CREBL2: variants seen among roughly 807,000 people sequenced by gnomAD.
The protein encoded by CREBL2 is cAMP responsive element binding protein like 2.
Under a neutral mutation model 19.5 loss-of-function variants are expected in CREBL2, and 4 were observed. That is an observed-to-expected ratio of 0.20 (90% CI 0.10 to 0.47). CREBL2 has a LOEUF of 0.47. Among genes scored for constraint, CREBL2 ranks in the 20% least tolerant of loss-of-function variants. CREBL2 has a pLI of 0.98. For missense variants in CREBL2, 85 were observed against 145.1 expected, an observed-to-expected ratio of 0.59 and a Z score of 2.13; for synonymous variants, 42 against 46.6, an observed-to-expected ratio of 0.90 and a Z score of 0.40.
chr12:12,628,027 G>A (rs549010053), intron 1 of CREBL2, among the ~76,000 whole-genome samples: 4 of 152,094 alleles, frequency 2.6e-5, no homozygotes, highest in South Asian at 2.1e-4. Context: ...CTACAGGCGC[G>A]CGCCACCATG....
intron 1 of CREBL2, among the ~76,000 whole-genome samples, chr12:12,623,301 T>C (rs2052422): frequency 0.87 from 131,991 of 151,892 alleles, 58,609 homozygotes; most frequent in Non-Finnish European, 0.96. Flanking sequence ...CTTCTGTGCT[T>C]GAGGAGCTCA....
intron 1 of CREBL2, among the ~76,000 whole-genome samples, chr12:12,612,913 C>T (rs553652014): frequency 2.2e-4 from 34 of 152,270 alleles, no homozygotes; most frequent in African/African-American, 7.9e-4. Flanking sequence ...CTCTTGTCGC[C>T]CAGGCTGGAG....
At chr12:12,626,813 A>G (rs1156445560) in intron 1 of CREBL2, among the ~76,000 whole-genome samples, 13 of 151,446 alleles carry the variant, frequency 8.6e-5, no homozygotes, top group Non-Finnish European at 1.9e-4. Context: ...AGGCAGGAGG[A>G]TAGCTTGAGC....
chr12:12,622,623 C>T (rs1309649446), intron 1 of CREBL2, among the ~76,000 whole-genome samples: 2 of 152,204 alleles, frequency 1.3e-5, no homozygotes, highest in Non-Finnish European at 2.9e-5. Context: ...ACTAGAAAAA[C>T]TGGCAGAAAG....
intron 3 of CREBL2, among the ~76,000 whole-genome samples, chr12:12,639,288 C>T (rs1945500067): frequency 6.6e-6 from 1 of 152,024 alleles, no homozygotes; most frequent in African/African-American, 2.4e-5. Flanking sequence ...TGTTTTCATA[C>T]CTGTTTTGAA....
chr12:12,613,090 C>T (rs1396071888), intron 1 of CREBL2, among the ~76,000 whole-genome samples: 3 of 152,158 alleles, frequency 2.0e-5, no homozygotes, highest in Non-Finnish European at 2.9e-5. Context: ...AGGCTGGTCT[C>T]GAACTCCCAA....
intron 1 of CREBL2, among the ~76,000 whole-genome samples, chr12:12,631,578 T>C (rs1945442934): frequency 6.6e-6 from 1 of 152,206 alleles, no homozygotes. Context: ...AAGGGAACAA[T>C]GTGGTTATCA....
intron 1 of CREBL2, among the ~76,000 whole-genome samples, chr12:12,613,420 C>CT (rs1198869689): frequency 6.6e-6 from 1 of 152,206 alleles, no homozygotes; most frequent in African/African-American, 2.4e-5. Context: ...GTTTGGGTGT[C>CT]TTTTTTTGCT....
At chr12:12,617,959 C>G (rs1260553411) in intron 1 of CREBL2, among the ~76,000 whole-genome samples, 1 of 151,972 alleles carries the variant, frequency 6.6e-6, no homozygotes, top group Admixed American at 6.5e-5. Context: ...GGACACAGCA[C>G]ATGTTTCAGA....
At chr12:12,629,138 G>A (rs1378822809) in intron 1 of CREBL2, among the ~76,000 whole-genome samples, 1 of 152,134 alleles carries the variant, frequency 6.6e-6, no homozygotes, top group South Asian at 2.1e-4. Context: ...GGATTAGCCT[G>A]CCAATTTCAG....
At chr12:12,631,698 A>G (rs1289499129) in intron 1 of CREBL2, among the ~76,000 whole-genome samples, 2 of 152,180 alleles carry the variant, frequency 1.3e-5, no homozygotes, top group Non-Finnish European at 2.9e-5. Flanking sequence ...AACGCCCCCT[A>G]TCTGTTCCTC....
intron 1 of CREBL2, chr12:12,614,514 C>G (rs1945293739): frequency 6.7e-6 from 1 of 148,668 alleles, no homozygotes; most frequent in African/African-American, 2.6e-5. Context: ...GTTGCCCAGG[C>G]TGGGGTGCGT....
chr12:12,633,157 G>C (rs1044480783), intron 1 of CREBL2, among the ~76,000 whole-genome samples: 7 of 151,972 alleles, frequency 4.6e-5, no homozygotes, highest in Admixed American at 4.6e-4. Context: ...GGCTGGTCTC[G>C]AATTCCTGAC....
At chr12:12,637,366 G>A (rs1458427869) in intron 2 of CREBL2, among the ~76,000 whole-genome samples, 2 of 152,052 alleles carry the variant, frequency 1.3e-5, no homozygotes, top group Non-Finnish European at 2.9e-5. Flanking sequence ...CGCCTCTTCT[G>A]AAAGATGGCA....
intron 2 of CREBL2, 80 bp from the exon 3 acceptor site, chr12:12,637,490 G>A: frequency 6.3e-6 from 6 of 956,300 alleles, no homozygotes; most frequent in Non-Finnish European, 8.1e-6. Flanking sequence ...TCTACCAGTG[G>A]TTCCTGAACT....
At position 12,612,119 on chromosome 12, in the gene CREBL2, G is replaced by A; in HGVS notation, c.-54G>A. 2 of 1,604,414 alleles carry A rather than the reference G, an allele frequency of 1.2e-6. No homozygotes were observed. The highest frequency in any genetic ancestry group is 1.7e-6 in the Non-Finnish European group (2 of 1,177,186). Reference sequence around the variant, plus strand: ...GCGGGGGCCGGGCCAGGCCGGCTGAGCCGGGGGAGGGCTCCGGGAGGGAGT... The same window carrying A: ...GCGGGGGCCGGGCCAGGCCGGCTGAACCGGGGGAGGGCTCCGGGAGGGAGT... On this transcript the variant is annotated 5_prime_UTR_variant, in exon 1 of 4. Transcript: ENST00000228865.
chr12:12,626,414 G>GT (rs1945402256), intron 1 of CREBL2, among the ~76,000 whole-genome samples: 1 of 152,074 alleles, frequency 6.6e-6, no homozygotes, highest in African/African-American at 2.4e-5. Flanking sequence ...AAACTCATGA[G>GT]TTAGAACCTT....
Position 12,638,599 on chromosome 12 carries a change from C to T in CREBL2, c.358+885C>T, listed in dbSNP as rs1945494201. ...TCTAGCTTTTTGTTAATAATAATAC[C>T]TTTTATTTGTATTTTGATTTACAGT... On this transcript the variant is annotated intron_variant, in intron 3 of 3. Coordinates refer to ENST00000228865, the MANE Select transcript of CREBL2 (RefSeq NM_001310.4). 2.0e-5 allele frequency among the ~76,000 whole-genome samples: 3 copies of T among 151,570 alleles called. No homozygotes were observed. In the South Asian group the frequency reaches 6.2e-4, roughly 31 times the overall value.
intron 1 of CREBL2, among the ~76,000 whole-genome samples, chr12:12,619,610 C>CAAAGAAA (rs78167393): frequency 0.85 from 129,343 of 151,724 alleles, 56,930 homozygotes; most frequent in Non-Finnish European, 0.96. Context: ...GACTCTGTCT[C>CAAAGAAA]AAAGGAAAAA....
Sources: gnomAD v4.1 joint callset for allele counts (sites outside exome capture counted in the v4.1 genomes callset) on GRCh38, gnomAD v4.1.1 for gene constraint, MANE v1.5 for transcripts, NCBI Gene and HGNC (gene_info 2026-07-23, HGNC 2026-07-21) for gene names.